CDKAL1: variants seen among roughly 807,000 people sequenced by gnomAD.
The protein encoded by CDKAL1 is threonylcarbamoyladenosine tRNA methylthiotransferase.
A neutral mutation model predicts 68.2 loss-of-function variants in CDKAL1; 32 were observed. The observed-to-expected ratio is 0.47, with a 90% CI of 0.35 to 0.63. The LOEUF (loss-of-function observed/expected upper bound fraction) is 0.63. Ranked by LOEUF, CDKAL1 falls within the 30% of genes least tolerant of loss-of-function variation. CDKAL1 has a pLI of 0.00. For missense variants in CDKAL1, 606 were observed against 696.7 expected (o/e 0.87, Z 1.47); for synonymous variants, 234 against 244.3 (o/e 0.96, Z 0.39).
chr6:21,066,438 T>C (rs1403124684), intron 12 of CDKAL1, among the ~76,000 whole-genome samples: 1 of 152,234 alleles, frequency 6.6e-6, no homozygotes, highest in Non-Finnish European at 1.5e-5. Context: ...CATTTTCTTC[T>C]ATATCACAAG....
chr6:21,172,361 C>A (rs796679448), intron 13 of CDKAL1, among the ~76,000 whole-genome samples: 3 of 152,286 alleles, frequency 2.0e-5, no homozygotes, highest in African/African-American at 7.2e-5. Flanking sequence ...CATAGTCATG[C>A]TGCCTTCCTA....
intron 9 of CDKAL1, among the ~76,000 whole-genome samples, chr6:20,886,788 G>T (rs1761088437): frequency 6.6e-6 from 1 of 152,156 alleles, no homozygotes; most frequent in Non-Finnish European, 1.5e-5. Flanking sequence ...TCTGTTTCAG[G>T]TGATGAAAAA....
intron 5 of CDKAL1, among the ~76,000 whole-genome samples, chr6:20,704,045 C>G (rs1173151935): frequency 6.6e-6 from 1 of 152,156 alleles, no homozygotes; most frequent in Admixed American, 6.5e-5. Flanking sequence ...TCATTCAACA[C>G]AATTATTGAT....
intron 12 of CDKAL1, among the ~76,000 whole-genome samples, chr6:21,097,701 C>G (rs908870779): frequency 6.6e-6 from 1 of 152,174 alleles, no homozygotes; most frequent in Non-Finnish European, 1.5e-5. Context: ...CTCTATGGAA[C>G]TTGTCATTGG....
rs747523212 is a variant in CDKAL1 at position 20,955,420 on chromosome 6, G to T, written c.744G>T (p.Glu248Asp). The change falls in exon 10 of 16, where the codon GAG becomes GAT. Residue 248 changes from glutamate to aspartate, a missense_variant and splice_region_variant. Transcript: ENST00000274695. ...TTAATTATCTCTTTTGATTCACAGA[G>T]GGTGTTTGTGAGATATGGTTGACCA... ...LVDRAKQSFQ[E>D]GVCEIWLTSE... is the part of the protein sequence containing the mutation. The T allele has an allele frequency of 6.2e-7, 1 of 1,613,880 alleles. No individual in the cohort carries two copies. Among genetic ancestry groups the T allele is most frequent in the African/African-American group, 1.3e-5 (1 of 74,920 alleles).
At chr6:20,837,937 TTGTGTGTGTGTGTGTG>T (rs531904726) in intron 8 of CDKAL1, among the ~76,000 whole-genome samples, 17 of 123,174 alleles carry the variant, frequency 1.4e-4, no homozygotes, top group Non-Finnish European at 1.9e-4. Flanking sequence ...TGGGAAGAAA[TTGTGTGTGTGTGTGTG>T]TGTGTGTGTG....
intron 4 of CDKAL1, among the ~76,000 whole-genome samples, chr6:20,624,601 G>A (rs927474189): frequency 2.0e-5 from 3 of 151,598 alleles, no homozygotes; most frequent in African/African-American, 7.3e-5. Context: ...CATATGACTT[G>A]GTATGATCTC....
At chr6:21,036,529 G>A (rs1449482835) in intron 11 of CDKAL1, among the ~76,000 whole-genome samples, 1 of 152,176 alleles carries the variant, frequency 6.6e-6, no homozygotes, top group African/African-American at 2.4e-5. Flanking sequence ...GGACGTATGA[G>A]ATTCAGATAT....
At chr6:20,880,706 A>T (rs1760768874) in intron 9 of CDKAL1, among the ~76,000 whole-genome samples, 1 of 152,150 alleles carries the variant, frequency 6.6e-6, no homozygotes, top group African/African-American at 2.4e-5. Context: ...TTCATATATA[A>T]TGTGGGTCTG....
chr6:20,580,230 T>C (rs570564998), intron 4 of CDKAL1, among the ~76,000 whole-genome samples: 25 of 152,330 alleles, frequency 1.6e-4, no homozygotes, highest in African/African-American at 5.3e-4. Context: ...GGGGTTTCAA[T>C]TATTTTCAAG....
At chr6:21,229,777 C>G (rs1481684881) in intron 15 of CDKAL1, among the ~76,000 whole-genome samples, 1 of 152,110 alleles carries the variant, frequency 6.6e-6, no homozygotes, top group Non-Finnish European at 1.5e-5. Context: ...GGGGAGGCAC[C>G]GATTCTGAAG....
chr6:21,151,818 G>C (rs1368782940), intron 13 of CDKAL1, among the ~76,000 whole-genome samples: 2 of 151,986 alleles, frequency 1.3e-5, no homozygotes, highest in Non-Finnish European at 2.9e-5. Flanking sequence ...TTTGATAAAA[G>C]TATTGAACAA....
intron 4 of CDKAL1, among the ~76,000 whole-genome samples, chr6:20,614,308 TTC>T (rs888507041): frequency 6.6e-6 from 1 of 152,220 alleles, no homozygotes; most frequent in Admixed American, 6.5e-5. Context: ...ATGATGGTAA[TTC>T]TCTGATTGTT....
intron 4 of CDKAL1, among the ~76,000 whole-genome samples, chr6:20,625,426 T>C (rs1399058018): frequency 1.3e-5 from 2 of 152,084 alleles, no homozygotes; most frequent in Admixed American, 6.6e-5. Flanking sequence ...GTGTTAGTCT[T>C]GTGTGGCTCT....
intron 5 of CDKAL1, among the ~76,000 whole-genome samples, chr6:20,666,274 A>ATTT (rs36034806): frequency 0.38 from 56,051 of 147,330 alleles, 11,162 homozygotes; most frequent in African/African-American, 0.53. Flanking sequence ...TGCCCACTAG[A>ATTT]TTTTTTTTTT....
intron 4 of CDKAL1, among the ~76,000 whole-genome samples, chr6:20,631,212 CT>C (rs1376176358): frequency 2.0e-5 from 3 of 152,180 alleles, no homozygotes; most frequent in Non-Finnish European, 4.4e-5. Flanking sequence ...ATTTTTACCT[CT>C]GGTGTACAAC....
rs112521821 is a variant in CDKAL1 at position 20,740,278 on chromosome 6, T to C, written c.468+663T>C. Among the ~76,000 whole-genome samples the C allele has an allele frequency of 2.5e-3, 385 of 152,346 alleles. 3 individuals carry two copies. Among genetic ancestry groups the C allele is most frequent in the African/African-American group, 8.6e-3 (357 of 41,578 alleles). On this transcript the variant is annotated intron_variant, in intron 6 of 15. Coordinates refer to ENST00000274695, the MANE Select transcript of CDKAL1 (RefSeq NM_017774.3). ...AAGCACTCAATAAGTGTTTGTTGAT[T>C]GCCTGAAAAAAATCTTCCCGTTGTA... is the stretch of plus-strand genomic sequence containing the variant.
intron 12 of CDKAL1, among the ~76,000 whole-genome samples, chr6:21,106,851 T>G (rs1490100025): frequency 1.3e-5 from 2 of 152,134 alleles, no homozygotes; most frequent in African/African-American, 2.4e-5. Context: ...ATGTTTGTGT[T>G]TGTGTGTGTG....
chr6:20,883,626 G>A (rs114175805), intron 9 of CDKAL1, among the ~76,000 whole-genome samples: 2,021 of 152,252 alleles, frequency 0.013, 32 homozygotes, highest in African/African-American at 0.046. Context: ...AAGTATTTGG[G>A]GTGAAGTGTC....
Sources: allele counts gnomAD v4.1 joint callset (sites outside exome capture counted in the v4.1 genomes callset), GRCh38; gene constraint gnomAD v4.1.1; transcripts MANE v1.5; gene names NCBI Gene and HGNC (gene_info 2026-07-23, HGNC 2026-07-21).